GNAL: variants seen among roughly 807,000 people sequenced by gnomAD.
GNAL encodes the protein G protein subunit alpha L.
Under a neutral mutation model 55.1 loss-of-function variants are expected in GNAL, and 18 were observed. The observed-to-expected ratio is 0.33, with a 90% CI of 0.23 to 0.48. The LOEUF is 0.48. Among genes scored for constraint, GNAL ranks in the 20% least tolerant of loss-of-function variants. The probability of loss-of-function intolerance (pLI) is 0.99; values close to 1 mark genes in which losing one functional copy is unlikely to be tolerated. For missense variants in GNAL, 412 were observed against 614.1 expected, an observed-to-expected ratio of 0.67 and a Z score of 3.48; for synonymous variants, 253 against 237.0, an observed-to-expected ratio of 1.07 and a Z score of -0.62.
chr18:11,736,587 C>G (rs533622919), intron 1 of GNAL, among the ~76,000 whole-genome samples: 8 of 152,286 alleles, frequency 5.3e-5, no homozygotes, highest in Admixed American at 3.3e-4. Flanking sequence ...GAGATTGAGC[C>G]TTGCTGTTTA....
chr18:11,743,910 C>T (rs1281193109), intron 1 of GNAL, among the ~76,000 whole-genome samples: 1 of 152,176 alleles, frequency 6.6e-6, no homozygotes, highest in Non-Finnish European at 1.5e-5. Flanking sequence ...TGCCTCACAG[C>T]CTGACCTAGT....
At chr18:11,776,955 C>T (rs2033802999) in intron 4 of GNAL, among the ~76,000 whole-genome samples, 1 of 152,128 alleles carries the variant, frequency 6.6e-6, no homozygotes, top group Admixed American at 6.5e-5. Context: ...AAAATCAATA[C>T]ATCATAAAAG....
rs746918036 is a variant in GNAL, at chr18:11,752,427, G to A, written c.377-426G>A. The stretch of plus-strand genomic sequence containing the variant: ...TAACTTCCTGACGTCCATCCCAGCG[G>A]GCAGGCATGGGGTGTTTGGGCGGCA... On this transcript the variant is annotated intron_variant, in intron 1 of 11. Coordinates refer to ENST00000334049, the MANE Select transcript of GNAL (RefSeq NM_182978.4). The surrounding 1 kb of genome is among the most constrained non-coding windows in gnomAD (Gnocchi z 4.5). The A allele has an allele frequency of 2.5e-6, 4 of 1,602,510 alleles. No individual in the cohort carries two copies. Among genetic ancestry groups the A allele is most frequent in the Non-Finnish European group, 3.4e-6 (4 of 1,175,642 alleles).
chr18:11,693,363 C>T (rs1235083748), intron 1 of GNAL, among the ~76,000 whole-genome samples: 2 of 152,066 alleles, frequency 1.3e-5, no homozygotes, highest in Non-Finnish European at 2.9e-5. Context: ...TCTAAAATGA[C>T]GTAAAATCAA....
intron 4 of GNAL, among the ~76,000 whole-genome samples, chr18:11,785,392 C>T (rs2034029195): frequency 6.6e-6 from 1 of 152,098 alleles, no homozygotes; most frequent in South Asian, 2.1e-4. Context: ...CCTCCAAGCC[C>T]CCAATAAGTA....
At chr18:11,770,800 G>A (rs992926500) in intron 4 of GNAL, among the ~76,000 whole-genome samples, 1 of 152,016 alleles carries the variant, frequency 6.6e-6, no homozygotes, top group African/African-American at 2.4e-5. Context: ...TCATTTTAAG[G>A]TATTTAGTTT....
intron 5 of GNAL, among the ~76,000 whole-genome samples, chr18:11,848,560 G>T (rs908487264): frequency 6.6e-6 from 1 of 150,846 alleles, no homozygotes; most frequent in Admixed American, 6.6e-5. Flanking sequence ...CAGTTCAAGC[G>T]ATTCTCCTGT....
chr18:11,740,970 T>C (rs1254853257), intron 1 of GNAL, among the ~76,000 whole-genome samples: 1 of 152,258 alleles, frequency 6.6e-6, no homozygotes, highest in Non-Finnish European at 1.5e-5. Flanking sequence ...AAGAAAAGTT[T>C]ATGTTATGTT....
At chr18:11,877,729 G>A (rs1193654772) in intron 11 of GNAL, among the ~76,000 whole-genome samples, 1 of 151,118 alleles carries the variant, frequency 6.6e-6, no homozygotes, top group African/African-American at 2.4e-5. Context: ...CCTTTCCACG[G>A]GGACCGGCAC....
intron 1 of GNAL, among the ~76,000 whole-genome samples, chr18:11,730,700 G>T (rs2032319407): frequency 6.6e-6 from 1 of 152,024 alleles, no homozygotes. Context: ...GGAGGTGGAG[G>T]TTACAGTGAC....
intron 10 of GNAL, among the ~76,000 whole-genome samples, chr18:11,876,324 G>T (rs552869812): frequency 2.0e-5 from 3 of 152,130 alleles, no homozygotes; most frequent in Admixed American, 1.3e-4. Context: ...TTAGCCAGTT[G>T]TGATGGCGGG....
At chr18:11,864,373 G>A (rs2036213729) in intron 6 of GNAL, among the ~76,000 whole-genome samples, 160 bp from the exon 7 acceptor site, 2 of 152,150 alleles carry the variant, frequency 1.3e-5, no homozygotes, top group South Asian at 2.1e-4. Flanking sequence ...GATTACAGGC[G>A]TGAGTCACCA....
chr18:11,884,682 G>C lies in GNAL; in HGVS notation c.*3547G>C, dbSNP rs1021613836. ...GAGCACCAGGCACACGTTGAACACC[G>C]CAGTCTTAGAAACAGCAGAGGGAAG... is the stretch of plus-strand genomic sequence containing the variant. On this transcript the variant is annotated 3_prime_UTR_variant, in exon 12 of 12. Coordinates refer to ENST00000334049, the MANE Select transcript of GNAL (RefSeq NM_182978.4). 1.3e-6 allele frequency: 2 copies of C among 1,552,142 alleles called. No individual in the cohort carries two copies. Among genetic ancestry groups the C allele is most frequent in the Admixed American group, 3.4e-5 (2 of 58,900 alleles).
rs2143095206 is a variant in GNAL, at chr18:11,752,380, T to C, written c.377-473T>C. On this transcript the variant is annotated intron_variant, in intron 1 of 11. Transcript: ENST00000334049. The surrounding 1 kb of genome is among the most constrained non-coding windows in gnomAD (Gnocchi z 4.5). ...GGAGCCGCACACGTCTCCAACTCTC[T>C]ATTGCTTTTTGCGCACATTCCTAAC... 1.3e-6 allele frequency: 2 copies of C among 1,571,478 alleles called. No homozygotes were observed. The highest frequency in any genetic ancestry group is 4.9e-5 in the East Asian group (2 of 40,464).
chr18:11,692,047 G>C lies in GNAL; in HGVS notation c.376+2108G>C, dbSNP rs537522864. Among the ~76,000 whole-genome samples the C allele has an allele frequency of 7.2e-5, 11 of 152,216 alleles. No homozygotes were observed. The East Asian group carries it at 2.1e-3, about 29-fold the overall frequency. On this transcript the variant is annotated intron_variant, in intron 1 of 11. Transcript: ENST00000334049. ...AAATCACGATTTCCTGATACTACTT[G>C]TTGCCTTTTAAATTTTAAGACAAAA...
chr18:11,778,449 C>G (rs1181718926), intron 4 of GNAL, among the ~76,000 whole-genome samples: 1 of 152,172 alleles, frequency 6.6e-6, no homozygotes, highest in East Asian at 1.9e-4. Context: ...TTTCCAGAGC[C>G]TGGAGTAACC....
chr18:11,795,206 C>A (rs2034346477), intron 4 of GNAL, among the ~76,000 whole-genome samples: 1 of 151,940 alleles, frequency 6.6e-6, no homozygotes, highest in Non-Finnish European at 1.5e-5. Context: ...TCAAGACCAA[C>A]CTGGCCAACA....
At chr18:11,806,115 T>A (rs2034653183) in intron 4 of GNAL, among the ~76,000 whole-genome samples, 1 of 152,246 alleles carries the variant, frequency 6.6e-6, no homozygotes, top group African/African-American at 2.4e-5. Context: ...TGAGCATTTT[T>A]TCATATGCTT....
At chr18:11,833,705 G>C (rs2035438569) in intron 5 of GNAL, 1 of 152,294 alleles carries the variant, frequency 6.6e-6, no homozygotes, top group African/African-American at 2.4e-5. Flanking sequence ...TGGCCTTCAG[G>C]GCCTGGCCTC....
Sources: allele counts gnomAD v4.1 joint callset (sites outside exome capture counted in the v4.1 genomes callset), GRCh38; gene constraint gnomAD v4.1.1; non-coding constraint Gnocchi (gnomAD v3.1); transcripts MANE v1.5; gene names NCBI Gene and HGNC (gene_info 2026-07-23, HGNC 2026-07-21).